The following H6PD variants were observed in gnomAD, a reference collection of about 807,000 sequenced individuals.
H6PD encodes GDH/6PGL endoplasmic bifunctional protein.
In H6PD, 48 loss-of-function variants were observed where a neutral mutation model predicts 61.2. The ratio of observed to expected loss-of-function variants is 0.78; its 90% confidence interval spans 0.62 to 1.00. The LOEUF (loss-of-function observed/expected upper bound fraction) is 1.00, where lower values mean the gene tolerates loss of function less well. Among genes scored for constraint, H6PD ranks in the 50% least tolerant of loss-of-function variants. The pLI is 0.00. For missense variants in H6PD, 1,093 were observed against 1,065.0 expected (o/e 1.03, Z -0.37); for synonymous variants, 480 against 457.9 (o/e 1.05, Z -0.62).
chr1:9,261,901 G>A (rs1638311918), intron 3 of H6PD, among the ~76,000 whole-genome samples, 158 bp from the exon 4 acceptor site: 2 of 152,220 alleles, frequency 1.3e-5, no homozygotes, highest in Admixed American at 6.5e-5. Context: ...TTCTCGTGGT[G>A]AGGTTGGCTT....
intron 2 of H6PD, among the ~76,000 whole-genome samples, chr1:9,246,399 C>G (rs1193967285): frequency 6.6e-6 from 1 of 152,250 alleles, no homozygotes; most frequent in Admixed American, 6.5e-5. Flanking sequence ...GACCAGTTCA[C>G]TCAAAATGCC....
At position 9,265,858 on chromosome 1, in the gene H6PD, T is replaced by TG. The variant is rs1341199434; in HGVS notation, c.*993dup. ...TGATGACTTGCTCTGCGTGGGGAGGTGGGGTCTCATTCCCCCAACTTCCTC... is the reference window on the plus strand; with the variant it reads ...TGATGACTTGCTCTGCGTGGGGAGGTGGGGGTCTCATTCCCCCAACTTCCTC... On this transcript the variant is annotated 3_prime_UTR_variant, in exon 5 of 5. Coordinates refer to ENST00000377403, the MANE Select transcript of H6PD (RefSeq NM_004285.4). 2.0e-5 allele frequency: 3 copies of TG among 151,954 alleles called. No homozygotes were observed. The highest frequency in any genetic ancestry group is 4.4e-5 in the Non-Finnish European group (3 of 68,052). The allele number at this position is 151,954 out of a possible 1,614,324, so 9.4% of individuals were successfully genotyped here.
intron 3 of H6PD, among the ~76,000 whole-genome samples, chr1:9,249,672 TC>T (rs1189620934): frequency 6.6e-6 from 1 of 152,178 alleles, no homozygotes; most frequent in East Asian, 1.9e-4. Flanking sequence ...GATCCACTAG[TC>T]CTGGAGGCTT....
At chr1:9,244,018 AC>A (rs1274587989) in intron 1 of H6PD, among the ~76,000 whole-genome samples, 5 of 152,220 alleles carry the variant, frequency 3.3e-5, no homozygotes, top group African/African-American at 1.2e-4. Context: ...ACCTTCATTG[AC>A]CTGAGCCTCA....
chr1:9,270,764 C>G lies in H6PD; in HGVS notation c.*5895C>G. 1 of 152,258 alleles carries G rather than the reference C, an allele frequency of 6.6e-6. No homozygotes were observed. The highest frequency in any genetic ancestry group is 3.2e-3 in the Middle Eastern group (1 of 316). 9.4% of individuals were successfully genotyped at this position (152,258 alleles called of 1,614,324 possible). A position where few individuals can be genotyped will look rare whatever the true frequency, so the allele number is the denominator to read the frequency against. ...TAGGGACTCAGGGTCTGGGCTTCTGCCAGGTGAGGAGCAGAGAGACTGTTC... is the reference window on the plus strand; with the variant it reads ...TAGGGACTCAGGGTCTGGGCTTCTGGCAGGTGAGGAGCAGAGAGACTGTTC... On this transcript the variant is annotated 3_prime_UTR_variant, in exon 5 of 5. Coordinates refer to ENST00000377403, the MANE Select transcript of H6PD (RefSeq NM_004285.4).
At chr1:9,238,405 G>A (rs1640908376) in intron 1 of H6PD, among the ~76,000 whole-genome samples, 2 of 152,204 alleles carry the variant, frequency 1.3e-5, no homozygotes, top group Non-Finnish European at 2.9e-5. Context: ...AGCCATAGAG[G>A]GTCCAGGTAG....
chr1:9,237,506 T>C (rs1486776037), intron 1 of H6PD, among the ~76,000 whole-genome samples: 2 of 152,168 alleles, frequency 1.3e-5, no homozygotes, highest in African/African-American at 2.4e-5. Context: ...GTGCTGGGAT[T>C]ATAGGCGTAA....
chr1:9,262,727 G>A (rs1465074807), intron 4 of H6PD, among the ~76,000 whole-genome samples: 1 of 152,208 alleles, frequency 6.6e-6, no homozygotes, highest in Non-Finnish European at 1.5e-5. Context: ...GCTGTCCTCT[G>A]GGCAGTTCCA....
chr1:9,259,183 G>A (rs949774551), intron 3 of H6PD, among the ~76,000 whole-genome samples: 5 of 152,274 alleles, frequency 3.3e-5, no homozygotes, highest in Non-Finnish European at 5.9e-5. Context: ...TAGTAGAGAC[G>A]GGGTTTCACC....
In H6PD at chr1:9,263,721, C is replaced by A. The variant is rs1638423947; in HGVS notation, c.1228C>A (p.Pro410Thr). ...FHIGHGDLGS[P>T]AVLVSRNLFR... ...CATCGGCCATGGCGACCTGGGCAGC[C>A]CTGCCGTGCTGGTCAGCAGGAACCT... Residue 410 changes from proline to threonine, a missense_variant, in exon 5 of 5, where the codon CCT becomes ACT. Transcript: ENST00000377403. The A allele has an allele frequency of 6.2e-7, 1 of 1,613,886 alleles. No homozygotes were observed. Among genetic ancestry groups the A allele is most frequent in the Admixed American group, 1.7e-5 (1 of 60,014 alleles).
Position 9,265,086 on chromosome 1 carries a change from G to T in H6PD, c.*217G>T. The stretch of plus-strand genomic sequence containing the variant: ...TAGATGCAGAAACAAGGAAGAAATG[G>T]AGTCTGCTCCTGAGAAGCTTCAAAT... On this transcript the variant is annotated 3_prime_UTR_variant, in exon 5 of 5. Transcript: ENST00000377403. 1 of 624,052 alleles carries T rather than the reference G, an allele frequency of 1.6e-6. No individual in the cohort carries two copies. The allele number at this position is 624,052 out of a possible 1,614,324, so 38.7% of individuals were successfully genotyped here.
At position 9,264,179 on chromosome 1, in the gene H6PD, G is replaced by A. The variant is rs764727911; in HGVS notation, c.1686G>A (p.Glu562=). ...CGCTGGTCTCCGCCTGGTCCGAGGA[G>A]CTGATCTCTAAGCTGGCTAATGACA... ...ESPLVSAWSE[E]LISKLANDIE... The change falls in exon 5 of 5, where the codon GAG becomes GAA. Residue 562 remains glutamate (E), a synonymous_variant. Coordinates refer to ENST00000377403, the MANE Select transcript of H6PD (RefSeq NM_004285.4). 97 of 1,612,020 alleles carry A rather than the reference G, an allele frequency of 6.0e-5. No individual in the cohort carries two copies. Among genetic ancestry groups the A allele is most frequent in the Non-Finnish European group, 7.8e-5 (92 of 1,178,928 alleles).
At chr1:9,237,070 G>C (rs1640868007) in intron 1 of H6PD, among the ~76,000 whole-genome samples, 2 of 151,306 alleles carry the variant, frequency 1.3e-5, no homozygotes, top group Non-Finnish European at 3.0e-5. Flanking sequence ...TTAAACCACT[G>C]TTCAGTATCT....
intron 1 of H6PD, among the ~76,000 whole-genome samples, chr1:9,242,022 G>A (rs1314355252): frequency 6.6e-6 from 1 of 152,184 alleles, no homozygotes; most frequent in African/African-American, 2.4e-5. Flanking sequence ...AAGGGGATGG[G>A]CGCATGAAAC....
chr1:9,252,817 G>C (rs1641408564), intron 3 of H6PD, among the ~76,000 whole-genome samples: 1 of 152,120 alleles, frequency 6.6e-6, no homozygotes, highest in Admixed American at 6.6e-5. Context: ...CACAGCCATG[G>C]CCCCCCTGCT....
At position 9,248,071 on chromosome 1, in the gene H6PD, C is replaced by T. The variant is rs539729476; in HGVS notation, c.745+988C>T. On this transcript the variant is annotated intron_variant, in intron 3 of 4. Transcript: ENST00000377403. ...CCTGGGGGCAACAGTCTGGCCCCAG[C>T]ACTCAGGCCTGGCGCCGCTGCGCTG... Among the ~76,000 whole-genome samples the T allele has an allele frequency of 3.3e-5, 5 of 152,342 alleles. No individual in the cohort carries two copies. In the South Asian group the frequency reaches 1.0e-3, roughly 32 times the overall value.
chr1:9,247,014 G>A lies in H6PD; in HGVS notation c.676G>A (p.Asp226Asn). 6.2e-7 allele frequency: 1 copy of A among 1,614,102 alleles called. No individual in the cohort carries two copies. ...CCGAGACCAGAACCGCAAGGCTTTGGACGGCCTCTGGAACCGGCACCATGT... is the reference window on the plus strand; with the variant it reads ...CCGAGACCAGAACCGCAAGGCTTTGAACGGCCTCTGGAACCGGCACCATGT... ...PFRDQNRKAL[D>N]GLWNRHHVER... The change falls in exon 3 of 5, where the codon GAC becomes AAC. Residue 226 changes from aspartate to asparagine, a missense_variant. Coordinates refer to ENST00000377403, the MANE Select transcript of H6PD (RefSeq NM_004285.4).
At position 9,270,924 on chromosome 1, in the gene H6PD, A is replaced by T. The variant is rs1218634366; in HGVS notation, c.*6055A>T. The T allele has an allele frequency of 2.0e-5, 3 of 150,370 alleles. No homozygotes were observed. The highest frequency in any genetic ancestry group is 7.4e-5 in the African/African-American group (3 of 40,580). 9.3% of individuals were successfully genotyped at this position (150,370 alleles called of 1,614,324 possible). A position where few individuals can be genotyped will look rare whatever the true frequency, so the allele number is the denominator to read the frequency against. On this transcript the variant is annotated 3_prime_UTR_variant, in exon 5 of 5. Transcript: ENST00000377403. ...AACTTACAGATGCCTGCCTGGGATG[A>T]TGAGGCACATTCAGAACAAATGCTT... is the stretch of plus-strand genomic sequence containing the variant.
rs1638345464 is a variant in H6PD, at chr1:9,262,306, C to T, written c.993C>T (p.His331=). ...AGCTGCAGAAGCCAGACAGCTTCCA[C>T]AGCCTGACGCCGACCTTCGCAGGTG... ...RRELQKPDSF[H]SLTPTFAAVL... The change falls in exon 4 of 5, where the codon CAC becomes CAT. Residue 331 remains histidine (H), a synonymous_variant. Transcript: ENST00000377403. The T allele has an allele frequency of 1.2e-6, 2 of 1,606,662 alleles. No individual in the cohort carries two copies. Among genetic ancestry groups the T allele is most frequent in the African/African-American group, 1.3e-5 (1 of 74,912 alleles).
Sources: gnomAD v4.1 joint callset for allele counts (sites outside exome capture counted in the v4.1 genomes callset) on GRCh38, gnomAD v4.1.1 for gene constraint, MANE v1.5 for transcripts, NCBI Gene and HGNC (gene_info 2026-07-23, HGNC 2026-07-21) for gene names.